Variants in FAM120C observed in about 807,000 individuals in gnomAD.
FAM120C encodes the protein family with sequence similarity 120 member C, also known as constitutive coactivator of PPAR-gamma-like protein 2.
FAM120C carries 14 observed loss-of-function variants against 71.2 expected under a neutral mutation model. The observed-to-expected ratio is 0.20, with a 90% CI of 0.13 to 0.31. FAM120C has a LOEUF of 0.31. Ranked by LOEUF, FAM120C falls within the 10% of genes least tolerant of loss-of-function variation. FAM120C has a pLI of 1.00. For synonymous variants in FAM120C, 354 were observed against 353.2 expected, an observed-to-expected ratio of 1.00 and a Z score of -0.03; for missense variants, 500 against 879.0, an observed-to-expected ratio of 0.57 and a Z score of 5.45.
chrX:54,173,317 C>T (rs945946276), intron 1 of FAM120C, among the ~76,000 whole-genome samples: 2 of 112,204 alleles, frequency 1.8e-5, no homozygotes, highest in African/African-American at 6.5e-5. Context: ...GGTGCAATCT[C>T]GGCTCACCAC....
At chrX:54,133,457 GA>G (rs2067078644) in intron 8 of FAM120C, among the ~76,000 whole-genome samples, 1 of 112,665 alleles carries the variant, frequency 8.9e-6, no homozygotes, top group Non-Finnish European at 1.9e-5. Context: ...TGTGGAAGTA[GA>G]AAAAGAAATA....
At chrX:54,076,461 C>CAT (rs782563932) in intron 15 of FAM120C, among the ~76,000 whole-genome samples, 40 of 111,315 alleles carry the variant, frequency 3.6e-4, no homozygotes, top group Non-Finnish European at 6.8e-4. Flanking sequence ...TTAATTATCT[C>CAT]ATACTCTTCT....
intron 8 of FAM120C, among the ~76,000 whole-genome samples, chrX:54,133,479 C>A (rs947151271): frequency 1.8e-5 from 2 of 111,974 alleles, no homozygotes; most frequent in African/African-American, 6.5e-5. Context: ...AGGAAAAGGG[C>A]ATAAAGCCTC....
In FAM120C at chrX:54,080,216, CA is replaced by C. The variant is rs781845932; in HGVS notation, c.3036+15del. On this transcript the variant is annotated intron_variant, in intron 15 of 15. Transcript: ENST00000375180. ...GCATCAAACAGAAGCTAAATAATCT[CA>C]AAAAAAATACTTACTTGCTTATTTC... 1.9e-5 allele frequency: 23 copies of C among 1,188,866 alleles called. No homozygotes were observed. The highest frequency in any genetic ancestry group is 3.0e-5 in the East Asian group (1 of 33,655).
At chrX:54,084,482 C>A (rs140297962) in intron 13 of FAM120C, among the ~76,000 whole-genome samples, 1 of 112,269 alleles carries the variant, frequency 8.9e-6, no homozygotes, top group Non-Finnish European at 1.9e-5. Context: ...CGATGACACT[C>A]TGACCCAATC....
At chrX:54,166,843 A>G (rs782147912) in intron 1 of FAM120C, among the ~76,000 whole-genome samples, 129 of 111,891 alleles carry the variant, frequency 1.2e-3, no homozygotes, top group Non-Finnish European at 1.7e-3. Flanking sequence ...AGTGACTGGG[A>G]AAGGGGTGGA....
At position 54,134,851 on chromosome X, in the gene FAM120C, C is replaced by G; in HGVS notation, c.1596G>C (p.Glu532Asp). 8.3e-7 allele frequency: 1 copy of G among 1,210,829 alleles called. No homozygotes were observed. The highest frequency in any genetic ancestry group is 1.1e-6 in the Non-Finnish European group (1 of 895,147). The change falls in exon 7 of 16, where the codon GAG (glutamate) becomes GAC (aspartate). Residue 532 changes from glutamate (E) to aspartate (D), a missense_variant. Around this residue, in one of 11 missense-constraint regions of FAM120C, gnomAD observed 85 missense variants for 84.9 expected, o/e 1.00. Transcript: ENST00000375180. Reference sequence around the variant, plus strand: ...CTTACTCAGAGCTAGCTCCATTTGGCTCATCACCATCAGAGGAAGAGGAGT... The same window carrying G: ...CTTACTCAGAGCTAGCTCCATTTGGGTCATCACCATCAGAGGAAGAGGAGT... ...SSHSSSSDGD[E>D]PNGASSDHIT...
chrX:54,166,558 G>A (rs1442284577), intron 1 of FAM120C, among the ~76,000 whole-genome samples: 3 of 111,569 alleles, frequency 2.7e-5, no homozygotes, highest in African/African-American at 6.5e-5. Context: ...TAATGTATAC[G>A]TACAATGGAA....
chrX:54,136,350 A>G, intron 5 of FAM120C, 141 bp downstream of exon 5: 1 of 446,552 alleles, frequency 2.2e-6, no homozygotes, highest in Non-Finnish European at 4.0e-6. Flanking sequence ...AAAAGGAGAA[A>G]GCCTACCAAA....
At chrX:54,156,287 T>C (rs1179112970) in intron 3 of FAM120C, among the ~76,000 whole-genome samples, 1 of 105,928 alleles carries the variant, frequency 9.4e-6, no homozygotes, top group Non-Finnish European at 1.9e-5. Context: ...CCACCAGAAG[T>C]GTATGCGGGT....
chrX:54,159,849 C>T (rs1190921513), intron 1 of FAM120C, among the ~76,000 whole-genome samples: 4 of 107,016 alleles, frequency 3.7e-5, no homozygotes, highest in East Asian at 2.9e-4. Flanking sequence ...GTGATCCTCC[C>T]GCCTTGGCCT....
intron 10 of FAM120C, among the ~76,000 whole-genome samples, chrX:54,106,933 C>T (rs782444391): frequency 5.4e-5 from 6 of 111,447 alleles, no homozygotes; most frequent in Non-Finnish European, 1.1e-4. Flanking sequence ...GAAATAGTAA[C>T]GCTTTTATGC....
At chrX:54,181,110 A>T (rs2067347208) in intron 1 of FAM120C, among the ~76,000 whole-genome samples, 1 of 109,758 alleles carries the variant, frequency 9.1e-6, no homozygotes, top group South Asian at 4.0e-4. Flanking sequence ...CTCTAGGCAC[A>T]GATTTGATGC....
chrX:54,135,693 G>A, intron 5 of FAM120C, 89 bp from the exon 6 acceptor site: 1 of 690,164 alleles, frequency 1.4e-6, no homozygotes, highest in East Asian at 3.5e-5. Flanking sequence ...CTGAAAAAGT[G>A]TTATTAATAA....
rs1463979031 is a variant in FAM120C, at chrX:54,080,347, T to A, written c.2979-58A>T. On this transcript the variant is annotated intron_variant, in intron 14 of 15. Coordinates refer to ENST00000375180, the MANE Select transcript of FAM120C (RefSeq NM_017848.6). ...AAACATAAAGCCCACACACCCCTTT[T>A]CACTTGGTTAACTATTCGTCTCCTC... 5.1e-6 allele frequency: 5 copies of A among 980,378 alleles called. No individual in the cohort carries two copies. The Admixed American group carries it at 1.2e-4, about 23-fold the overall frequency. The allele number at this position is 980,378 out of a possible 1,213,427, so 80.8% of individuals were successfully genotyped here.
chrX:54,101,583 T>C (rs1240484519), intron 10 of FAM120C, among the ~76,000 whole-genome samples: 2 of 112,122 alleles, frequency 1.8e-5, no homozygotes, highest in Non-Finnish European at 3.8e-5. Flanking sequence ...TGTAAACAGT[T>C]AGACATAACC....
At chrX:54,090,345 C>A (rs1324276437) in intron 11 of FAM120C, among the ~76,000 whole-genome samples, 1 of 109,652 alleles carries the variant, frequency 9.1e-6, no homozygotes, top group Non-Finnish European at 1.9e-5. Flanking sequence ...AATTCTCCTG[C>A]CTCAGCCTCC....
At chrX:54,109,607 C>T (rs1557125346) in intron 10 of FAM120C, among the ~76,000 whole-genome samples, 1 of 98,190 alleles carries the variant, frequency 1.0e-5, no homozygotes, top group Non-Finnish European at 2.1e-5. Context: ...AGAGCAAGAC[C>T]CTGGCTATAA....
intron 10 of FAM120C, among the ~76,000 whole-genome samples, chrX:54,092,021 T>A (rs185918025): frequency 4.1e-4 from 45 of 111,056 alleles, no homozygotes; most frequent in Non-Finnish European, 6.8e-4. Flanking sequence ...CCAGGATAAG[T>A]GAAGTTCACA....
Sources: allele counts gnomAD v4.1 joint callset (sites outside exome capture counted in the v4.1 genomes callset), GRCh38; gene constraint gnomAD v4.1.1; regional missense constraint gnomAD v4.1.1; transcripts MANE v1.5; gene names NCBI Gene and HGNC (gene_info 2026-07-23, HGNC 2026-07-21).